The following DSE variants were observed in gnomAD, a reference collection of about 807,000 sequenced individuals.
DSE encodes the protein dermatan-sulfate epimerase.
A neutral mutation model predicts 84.4 loss-of-function variants in DSE; 36 were observed. The observed-to-expected ratio is 0.43, with a 90% CI of 0.33 to 0.56. DSE has a LOEUF of 0.56. DSE is among the 20% of genes least tolerant of loss of function. The pLI is 0.06. For missense variants in DSE, 862 were observed against 1,169.6 expected (o/e 0.74, Z 3.84); for synonymous variants, 410 against 430.1 (o/e 0.95, Z 0.58).
chr6:116,403,783 T>C (rs1422529059), intron 2 of DSE, among the ~76,000 whole-genome samples: 2 of 152,176 alleles, frequency 1.3e-5, no homozygotes, highest in African/African-American at 4.8e-5. Context: ...CAGAAGGAAG[T>C]TTCCCATAGG....
chr6:116,325,111 G>A (rs891415094), intron 2 of DSE, among the ~76,000 whole-genome samples: 2 of 140,028 alleles, frequency 1.4e-5, no homozygotes, highest in African/African-American at 2.4e-5. Flanking sequence ...TGCTAACCCC[G>A]AATCATGTCT....
Position 116,381,722 on chromosome 6 carries a change from A to G in DSE, c.-54+10601A>G, listed in dbSNP as rs141573821. ...GCACAATAAAGGCACTTTATTGTTCATTGGTGTAGATACTGTAAGAATTAC... is the reference window on the plus strand; with the variant it reads ...GCACAATAAAGGCACTTTATTGTTCGTTGGTGTAGATACTGTAAGAATTAC... On this transcript the variant is annotated intron_variant, in intron 1 of 5. Coordinates refer to ENST00000644252, the MANE Select transcript of DSE (RefSeq NM_013352.4). 7.0e-3 allele frequency among the ~76,000 whole-genome samples: 1,063 copies of G among 152,256 alleles called. 22 individuals carry two copies. The highest frequency in any genetic ancestry group is 0.055 in the South Asian group (267 of 4,824).
At chr6:116,326,143 T>TTTTATC (rs1776607382) in intron 2 of DSE, among the ~76,000 whole-genome samples, 1 of 152,006 alleles carries the variant, frequency 6.6e-6, no homozygotes, top group African/African-American at 2.4e-5. Context: ...TGCCTTTTAG[T>TTTTATC]TTTATCTTTT....
Position 116,436,298 on chromosome 6 carries a change from A to T in DSE, c.1830A>T (p.Arg610Ser), listed in dbSNP as rs1784148020. ...DGVHGAFIRQRDGLYKMYWMD... is the reference protein window; with the variant it reads ...DGVHGAFIRQSDGLYKMYWMD... ...TCCATGGGGCTTTCATCAGGCAGAGAGATGGTCTCTATAAAATGTACTGGA... is the reference window on the plus strand; with the variant it reads ...TCCATGGGGCTTTCATCAGGCAGAGTGATGGTCTCTATAAAATGTACTGGA... The change falls in exon 6 of 6, where the codon AGA becomes AGT. Residue 610 changes from arginine to serine, a missense_variant. By Grantham distance (110) the Arg-to-Ser change is moderately radical. Transcript: ENST00000644252. 1 of 1,613,982 alleles carries T rather than the reference A, an allele frequency of 6.2e-7. No individual in the cohort carries two copies. Among genetic ancestry groups the T allele is most frequent in the African/African-American group, 1.3e-5 (1 of 74,900 alleles).
chr6:116,268,833 A>C (rs1315663222), intron 2 of DSE, among the ~76,000 whole-genome samples: 1 of 152,148 alleles, frequency 6.6e-6, no homozygotes, highest in Non-Finnish European at 1.5e-5. Context: ...GCTGATATAG[A>C]TCAGCTTGGC....
At chr6:116,369,019 T>G (rs1583105884), upstream of DSE, among the ~76,000 whole-genome samples, 2 of 149,850 alleles carry the variant, frequency 1.3e-5, no homozygotes, top group Admixed American at 6.7e-5. Flanking sequence ...TTGTGGGGGG[T>G]GTGAGGGTAA....
chr6:116,284,687 A>G, intron 2 of DSE, among the ~76,000 whole-genome samples: 1 of 107,956 alleles, frequency 9.3e-6, no homozygotes, highest in African/African-American at 3.7e-5. Context: ...ACCTCATGAT[A>G]GGCCCCGGTG....
intron 2 of DSE, among the ~76,000 whole-genome samples, chr6:116,354,909 T>C (rs925814081): frequency 1.3e-5 from 2 of 152,198 alleles, no homozygotes; most frequent in Admixed American, 6.5e-5. Context: ...TGTAATTGGC[T>C]TTTTAATGAA....
At chr6:116,373,244 T>G (rs896660323) in intron 1 of DSE, among the ~76,000 whole-genome samples, 2 of 152,152 alleles carry the variant, frequency 1.3e-5, no homozygotes, top group Non-Finnish European at 1.5e-5. Context: ...GCGCCTGTAG[T>G]CCCAGCTACT....
At chr6:116,313,363 C>T (rs916218863) in intron 2 of DSE, among the ~76,000 whole-genome samples, 4 of 152,134 alleles carry the variant, frequency 2.6e-5, no homozygotes, top group Non-Finnish European at 5.9e-5. Context: ...CCTTAGGAAA[C>T]TAATACAGAA....
chr6:116,359,041 A>G (rs1366633411), intron 2 of DSE, among the ~76,000 whole-genome samples: 2 of 152,168 alleles, frequency 1.3e-5, no homozygotes, highest in African/African-American at 2.4e-5. Context: ...CTTGAAATCT[A>G]TTTGGTTGAT....
chr6:116,410,370 A>G (rs1583192465), intron 2 of DSE, among the ~76,000 whole-genome samples: 1 of 152,156 alleles, frequency 6.6e-6, no homozygotes, highest in Non-Finnish European at 1.5e-5. Context: ...CTTATAGTTC[A>G]TCCAAATGTG....
intron 2 of DSE, among the ~76,000 whole-genome samples, chr6:116,311,494 C>T (rs1775692574): frequency 6.6e-6 from 1 of 152,168 alleles, no homozygotes; most frequent in Non-Finnish European, 1.5e-5. Context: ...TAACGTTTTG[C>T]TTGTAACAAC....
intron 1 of DSE, among the ~76,000 whole-genome samples, chr6:116,379,704 A>G (rs1780113350): frequency 6.6e-6 from 1 of 152,184 alleles, no homozygotes; most frequent in Non-Finnish European, 1.5e-5. Context: ...CAAGATATTC[A>G]CCATTAAAAT....
chr6:116,314,757 A>G (rs1357236935), intron 2 of DSE, among the ~76,000 whole-genome samples: 3 of 152,168 alleles, frequency 2.0e-5, no homozygotes, highest in Non-Finnish European at 4.4e-5. Flanking sequence ...TTACTTATTC[A>G]TGATATAAGT....
chr6:116,276,765 A>C (rs1773161876), intron 2 of DSE: 1 of 152,240 alleles, frequency 6.6e-6, no homozygotes, highest in Non-Finnish European at 1.5e-5. Flanking sequence ...TCATGCATAA[A>C]AAGGAAGACA....
At chr6:116,355,009 A>G (rs1778501150) in intron 2 of DSE, among the ~76,000 whole-genome samples, 1 of 152,200 alleles carries the variant, frequency 6.6e-6, no homozygotes, top group South Asian at 2.1e-4. Flanking sequence ...ACACATTTTT[A>G]CATAGACACA....
At position 116,380,556 on chromosome 6, in the gene DSE, T is replaced by C. The variant is rs535416014; in HGVS notation, c.-54+9435T>C. Among the ~76,000 whole-genome samples the C allele has an allele frequency of 5.9e-5, 9 of 152,248 alleles. No individual in the cohort carries two copies. In the East Asian group the frequency reaches 1.2e-3, roughly 20 times the overall value. On this transcript the variant is annotated intron_variant, in intron 1 of 5. Coordinates refer to ENST00000644252, the MANE Select transcript of DSE (RefSeq NM_013352.4). Reference sequence around the variant, plus strand: ...GCACAAGAAGAGGAGCAAGCAGATATGGAGCAGCTGCCAGGTCAAGGAGAA... The same window carrying C: ...GCACAAGAAGAGGAGCAAGCAGATACGGAGCAGCTGCCAGGTCAAGGAGAA...
At chr6:116,343,150 C>G (rs1411798364) in intron 2 of DSE, among the ~76,000 whole-genome samples, 3 of 152,198 alleles carry the variant, frequency 2.0e-5, no homozygotes, top group African/African-American at 7.2e-5. Context: ...CACTAGGAAG[C>G]TCAAACTGGG....
Sources: allele counts gnomAD v4.1 joint callset (sites outside exome capture counted in the v4.1 genomes callset), GRCh38; gene constraint gnomAD v4.1.1; transcripts MANE v1.5; gene names NCBI Gene and HGNC (gene_info 2026-07-23, HGNC 2026-07-21).